Variants in KIF1C observed in about 807,000 individuals in gnomAD.
KIF1C encodes kinesin family member 1C, also known as kinesin-like protein KIF1C.
Under a neutral mutation model 126.5 loss-of-function variants are expected in KIF1C, and 61 were observed. The observed-to-expected ratio is 0.48, with a 90% CI of 0.39 to 0.60. The LOEUF (loss-of-function observed/expected upper bound fraction) is 0.60. KIF1C is among the 20% of genes least tolerant of loss of function. The pLI is 0.00. For synonymous variants in KIF1C, 640 were observed against 580.6 expected (o/e 1.10, Z -1.47); for missense variants, 1,315 against 1,489.2 (o/e 0.88, Z 1.93).
chr17:5,021,068 C>G (rs1401274040), intron 21 of KIF1C, among the ~76,000 whole-genome samples, 190 bp downstream of exon 21: 22 of 152,014 alleles, frequency 1.4e-4, no homozygotes. Flanking sequence ...AAGGAAGATT[C>G]CTCCAGTTGA....
Position 5,022,666 on chromosome 17 carries a change from G to T in KIF1C, c.2585G>T (p.Arg862Leu). ...SSKDRELQALRDRMLRMERVI... is the reference protein window; with the variant it reads ...SSKDRELQALLDRMLRMERVI... Reference sequence around the variant, plus strand: ...AAGGACCGGGAGCTGCAGGCCCTGCGGGACCGCATGCTCCGCATGGAGAGG... The same window carrying T: ...AAGGACCGGGAGCTGCAGGCCCTGCTGGACCGCATGCTCCGCATGGAGAGG... The change falls in exon 22 of 23, where the codon CGG (arginine) becomes CTG (leucine). Residue 862 changes from arginine to leucine, a missense_variant. By Grantham distance (102) the Arg-to-Leu change is moderately radical. This residue lies in a region of KIF1C where 441 missense variants were observed against 436.1 expected (regional missense o/e 1.01). Coordinates refer to ENST00000320785, the MANE Select transcript of KIF1C (RefSeq NM_006612.6). The surrounding 1 kb of genome is among the most constrained non-coding windows in gnomAD (Gnocchi z 4.9). The T allele has an allele frequency of 6.3e-7, 1 of 1,586,890 alleles. No individual in the cohort carries two copies.
intron 14 of KIF1C, 39 bp from the exon 15 acceptor site, chr17:5,007,224 C>A: frequency 6.3e-7 from 1 of 1,583,906 alleles, no homozygotes; most frequent in African/African-American, 1.3e-5. Context: ...GTCTGCTTGT[C>A]CCAGACCATC....
In KIF1C at chr17:5,024,542, T is replaced by C. The variant is rs143895411; in HGVS notation, c.*391T>C. ...AAGTTCTCCCCAGCCCCTGTCCGTC[T>C]GTCTGTCTGTCTGTGGTGGTTTCTG... On this transcript the variant is annotated 3_prime_UTR_variant, in exon 23 of 23. Coordinates refer to ENST00000320785, the MANE Select transcript of KIF1C (RefSeq NM_006612.6). 385 of 180,442 alleles carry C rather than the reference T, an allele frequency of 2.1e-3. 1 individual carries two copies. The highest frequency in any genetic ancestry group is 5.2e-3 in the Admixed American group (86 of 16,436). 11.2% of individuals were successfully genotyped at this position (180,442 alleles called of 1,614,324 possible). A position where few individuals can be genotyped will look rare whatever the true frequency, so the allele number is the denominator to read the frequency against.
In KIF1C at chr17:5,024,085, TA is replaced by T; in HGVS notation, c.3247del (p.Thr1083LeufsTer5). The T allele has an allele frequency of 6.3e-7, 1 of 1,597,806 alleles. No homozygotes were observed. Among genetic ancestry groups the T allele is most frequent in the Non-Finnish European group, 8.5e-7 (1 of 1,172,158 alleles). The part of the protein sequence containing the change: ...PPGPRYPPYT[T>X]PPRMRRQRSA... ...CAGGGCCCCGCTACCCCCCATACAC[TA>T]CTCCCCCACGAATGAGACGGCAGCG... On this transcript the variant is annotated frameshift_variant, in exon 23 of 23. Coordinates refer to ENST00000320785, the MANE Select transcript of KIF1C (RefSeq NM_006612.6). LOFTEE classifies it high-confidence loss of function.
Position 5,024,025 on chromosome 17 carries a change from C to T in KIF1C, c.3186C>T (p.Pro1062=). The part of the protein sequence containing the change: ...HFQPKKHNSY[P]QPPQPYPAQR... ...AGCCCAAAAAGCACAACTCTTATCC[C>T]CAGCCACCCCAACCCTACCCAGCCC... Residue 1062 remains proline (P), a synonymous_variant, in exon 23 of 23, where the codon CCC becomes CCT. Transcript: ENST00000320785. 1 of 1,600,370 alleles carries T rather than the reference C, an allele frequency of 6.2e-7. No homozygotes were observed. The highest frequency in any genetic ancestry group is 8.5e-7 in the Non-Finnish European group (1 of 1,172,690).
rs551786680 is a variant in KIF1C at position 5,027,067 on chromosome 17, G to C, written c.*2916G>C. On this transcript the variant is annotated 3_prime_UTR_variant, in exon 23 of 23. Coordinates refer to ENST00000320785, the MANE Select transcript of KIF1C (RefSeq NM_006612.6). Reference sequence around the variant, plus strand: ...TTTGATTTAGTCTTTAAAGTACCCCGGTAAAATAGGTCTTTTGTCTGCATT... The same window carrying C: ...TTTGATTTAGTCTTTAAAGTACCCCCGTAAAATAGGTCTTTTGTCTGCATT... 23 of 152,256 alleles carry C rather than the reference G, an allele frequency of 1.5e-4. No homozygotes were observed. In the East Asian group the frequency reaches 4.2e-3, roughly 28 times the overall value. The allele number at this position is 152,256 out of a possible 1,614,324, so 9.4% of individuals were successfully genotyped here.
chr17:5,002,383 C>T (rs986371736), intron 6 of KIF1C, 81 bp from the exon 7 acceptor site: 8 of 1,324,490 alleles, frequency 6.0e-6, no homozygotes, highest in South Asian at 4.0e-5. Context: ...TCACCTGGAT[C>T]GTGTCCAGTG....
In KIF1C at chr17:5,027,373, ACCCGCCTCTGCC is replaced by A; in HGVS notation, c.*3223_*3234del. The A allele has an allele frequency of 6.6e-6, 1 of 151,534 alleles. No homozygotes were observed. The highest frequency in any genetic ancestry group is 1.5e-5 in the Non-Finnish European group (1 of 67,644). The allele number at this position is 151,534 out of a possible 1,614,324, so 9.4% of individuals were successfully genotyped here. On this transcript the variant is annotated 3_prime_UTR_variant, in exon 23 of 23. Coordinates refer to ENST00000320785, the MANE Select transcript of KIF1C (RefSeq NM_006612.6). Reference sequence around the variant, plus strand: ...TCGAATTCCTGACCTCAGGTGATCCACCCGCCTCTGCCTCCCAAAATGTTGGGATTACAGGCG... The same window carrying A: ...TCGAATTCCTGACCTCAGGTGATCCATCCCAAAATGTTGGGATTACAGGCG...
chr17:5,007,681 C>T (rs1366757244), intron 16 of KIF1C, 139 bp downstream of exon 16: 16 of 582,608 alleles, frequency 2.7e-5, no homozygotes, highest in Non-Finnish European at 4.3e-5. Flanking sequence ...TTTCTGTCCC[C>T]TCCCCTGCCA....
Position 5,020,547 on chromosome 17 carries a change from G to A in KIF1C, c.1806G>A (p.Gln602=). Residue 602 remains glutamine (Q), a synonymous_variant, in exon 20 of 23, where the codon CAG becomes CAA. Transcript: ENST00000320785. This position sits in a 1 kb window ranked among gnomAD's most constrained non-coding sequence, Gnocchi z 5.8. The part of the protein sequence containing the change: ...NHVFRFNHPE[Q]ARLERERGVP... ...TTTTCCGCTTCAACCACCCGGAGCA[G>A]GCAAGGCTGGAACGGGAACGAGGGG... 1.2e-6 allele frequency: 2 copies of A among 1,614,234 alleles called. No homozygotes were observed. Among genetic ancestry groups the A allele is most frequent in the East Asian group, 2.2e-5 (1 of 44,890 alleles).
At chr17:4,998,928 T>TC (rs1974480620) in intron 1 of KIF1C, 1 of 152,288 alleles carries the variant, frequency 6.6e-6, no homozygotes, top group South Asian at 2.1e-4. Flanking sequence ...CCTGGCACCT[T>TC]CCCCAGGGCA....
At position 5,020,702 on chromosome 17, in the gene KIF1C, C is replaced by T. The variant is rs776566504; in HGVS notation, c.1937+24C>T. On this transcript the variant is annotated intron_variant, in intron 20 of 22. Coordinates refer to ENST00000320785, the MANE Select transcript of KIF1C (RefSeq NM_006612.6). This position sits in a 1 kb window ranked among gnomAD's most constrained non-coding sequence, Gnocchi z 5.8. ...AGGTGCGAGGGGGTTACCCACGTGCCCCATGGCCGTCTAGGCCGTCCCTCC... is the reference window on the plus strand; with the variant it reads ...AGGTGCGAGGGGGTTACCCACGTGCTCCATGGCCGTCTAGGCCGTCCCTCC... 1.9e-6 allele frequency: 3 copies of T among 1,611,788 alleles called. No homozygotes were observed. Among genetic ancestry groups the T allele is most frequent in the African/African-American group, 2.7e-5 (2 of 74,978 alleles).
intron 16 of KIF1C, among the ~76,000 whole-genome samples, chr17:5,012,802 C>T (rs1374796519): frequency 1.3e-5 from 2 of 152,118 alleles, no homozygotes; most frequent in African/African-American, 2.4e-5. Flanking sequence ...GAGGCAGCGT[C>T]GCCTGTACGC....
rs770437470 is a variant in KIF1C at position 5,014,851 on chromosome 17, G to A, written c.1666+14G>A. 5 of 1,562,836 alleles carry A rather than the reference G, an allele frequency of 3.2e-6. No homozygotes were observed. In the Admixed American group the frequency reaches 9.5e-5, roughly 30 times the overall value. ...CAGATGGAGAAGGTAATGGCTGAGG[G>A]GGTGAGAGAGGCCAGACAGGGAGAG... is the stretch of plus-strand genomic sequence containing the variant. On this transcript the variant is annotated intron_variant, in intron 18 of 22. Transcript: ENST00000320785.
chr17:5,016,044 C>T lies in KIF1C; in HGVS notation c.1666+1207C>T, dbSNP rs138913196. Among the ~76,000 whole-genome samples, 9 of 152,044 alleles carry T rather than the reference C, an allele frequency of 5.9e-5. No individual in the cohort carries two copies. The East Asian group carries it at 1.7e-3, about 30-fold the overall frequency. ...GTGGTACACATGTGCTGTCTGTCAGCTTGGACCTGGTGTGTGTGTTGTGCC... is the reference window on the plus strand; with the variant it reads ...GTGGTACACATGTGCTGTCTGTCAGTTTGGACCTGGTGTGTGTGTTGTGCC... On this transcript the variant is annotated intron_variant, in intron 18 of 22. Coordinates refer to ENST00000320785, the MANE Select transcript of KIF1C (RefSeq NM_006612.6).
intron 18 of KIF1C, among the ~76,000 whole-genome samples, chr17:5,018,019 C>T (rs1196463437): frequency 6.6e-6 from 1 of 152,050 alleles, no homozygotes; most frequent in Non-Finnish European, 1.5e-5. Context: ...CTTGCCCTGT[C>T]ACCCAGGCTA....
intron 16 of KIF1C, 109 bp downstream of exon 16, chr17:5,007,651 C>T: frequency 1.3e-6 from 1 of 774,104 alleles, no homozygotes; most frequent in Non-Finnish European, 2.0e-6. Flanking sequence ...CTTTGAGGTC[C>T]CCGGCTTGTC....
chr17:5,025,146 T>C lies in KIF1C; in HGVS notation c.*995T>C. The C allele has an allele frequency of 6.6e-6, 1 of 152,616 alleles. No individual in the cohort carries two copies. The highest frequency in any genetic ancestry group is 1.5e-5 in the Non-Finnish European group (1 of 68,316). 9.5% of individuals were successfully genotyped at this position (152,616 alleles called of 1,614,324 possible). A position where few individuals can be genotyped will look rare whatever the true frequency, so the allele number is the denominator to read the frequency against. ...ACCTTGGCCTCCCAAAGTGGTGGGA[T>C]TACAGGTGTGAGCCACCGCGCCCGG... On this transcript the variant is annotated 3_prime_UTR_variant, in exon 23 of 23. Transcript: ENST00000320785.
intron 5 of KIF1C, 25 bp downstream of exon 5, chr17:5,001,426 G>A (rs374926990): frequency 6.2e-6 from 10 of 1,609,548 alleles, no homozygotes; most frequent in Non-Finnish European, 8.5e-6. Flanking sequence ...TGGTGGGGCA[G>A]CCAGGGCAGG....
Sources: gnomAD v4.1 joint callset for allele counts (sites outside exome capture counted in the v4.1 genomes callset) on GRCh38, gnomAD v4.1.1 for gene constraint, gnomAD v4.1.1 regional missense constraint, Gnocchi (gnomAD v3.1) non-coding constraint, MANE v1.5 for transcripts, NCBI Gene and HGNC (gene_info 2026-07-23, HGNC 2026-07-21) for gene names.